RIMBP2: variants seen among roughly 807,000 people sequenced by gnomAD.
RIMBP2 encodes the protein RIMS binding protein 2.
In RIMBP2, 48 loss-of-function variants were observed where a neutral mutation model predicts 118.6. The observed-to-expected ratio is 0.40, with a 90% confidence interval of 0.32 to 0.51. RIMBP2 has a LOEUF of 0.51. Among genes scored for constraint, RIMBP2 ranks in the 20% least tolerant of loss-of-function variants. RIMBP2 has a pLI of 0.41. For missense variants in RIMBP2, 1,551 were observed against 1,768.3 expected (o/e 0.88, Z 2.20); for synonymous variants, 762 against 742.9 (o/e 1.03, Z -0.42).
intron 21 of RIMBP2, among the ~76,000 whole-genome samples, chr12:130,402,791 C>A (rs897098686): frequency 1.3e-5 from 2 of 152,218 alleles, no homozygotes; most frequent in East Asian, 3.9e-4. Context: ...TTTGCACACT[C>A]CTCTGGATTA....
At position 130,470,762 on chromosome 12, in the gene RIMBP2, A is replaced by G; in HGVS notation, c.103-19T>C. 1 of 1,226,212 alleles carries G rather than the reference A, an allele frequency of 8.2e-7. No individual in the cohort carries two copies. The allele number at this position is 1,226,212 out of a possible 1,614,324, so 76.0% of individuals were successfully genotyped here. On this transcript the variant is annotated intron_variant, in intron 5 of 22. Transcript: ENST00000690449. ...CCTGAGCCTTTTTTATGATGAAAAG[A>G]GAGAAAAGAGTAAATGTCCAAAGGG...
At chr12:130,614,970 T>C (rs1220591308) in intron 2 of RIMBP2, among the ~76,000 whole-genome samples, 11 of 149,284 alleles carry the variant, frequency 7.4e-5, no homozygotes, top group Non-Finnish European at 1.5e-5. Context: ...TCTTCAGATG[T>C]GTAGGTATGA....
intron 4 of RIMBP2, among the ~76,000 whole-genome samples, chr12:130,486,274 C>T (rs932488167): frequency 6.6e-6 from 1 of 152,156 alleles, no homozygotes; most frequent in Non-Finnish European, 1.5e-5. Context: ...TCCTCCTGGA[C>T]ATGCCCTGGA....
intron 21 of RIMBP2, among the ~76,000 whole-genome samples, chr12:130,403,129 C>A (rs1020370828): frequency 1.3e-5 from 2 of 152,066 alleles, no homozygotes; most frequent in Admixed American, 6.6e-5. Flanking sequence ...TTCGCTCTCT[C>A]GAGATGTTTA....
At chr12:130,682,636 C>T (rs12425018) in intron 1 of RIMBP2, among the ~76,000 whole-genome samples, 38,257 of 152,208 alleles carry the variant, frequency 0.25, 5,055 homozygotes, top group South Asian at 0.35. Context: ...CAAAACATAT[C>T]AGACACGGAG....
chr12:130,450,587 T>C lies in RIMBP2; in HGVS notation c.505-311A>G, dbSNP rs745365509. On this transcript the variant is annotated intron_variant, in intron 8 of 22. Coordinates refer to ENST00000690449, the MANE Select transcript of RIMBP2 (RefSeq NM_001393629.1). This position sits in a 1 kb window ranked among gnomAD's most constrained non-coding sequence, Gnocchi z 4.8. ...ACAGCAATCCCGGGAGTCAGCGGCGTGGCCTTTTCTCATAGGGGTGGGGGT... is the reference window on the plus strand; with the variant it reads ...ACAGCAATCCCGGGAGTCAGCGGCGCGGCCTTTTCTCATAGGGGTGGGGGT... Among the ~76,000 whole-genome samples the C allele has an allele frequency of 9.9e-5, 15 of 151,878 alleles. No homozygotes were observed. Among genetic ancestry groups the C allele is most frequent in the Non-Finnish European group, 2.1e-4 (14 of 67,980 alleles).
Position 130,424,361 on chromosome 12 carries a change from C to T in RIMBP2, c.2910G>A (p.Val970=), listed in dbSNP as rs984080655. The T allele has an allele frequency of 1.4e-4, 168 of 1,232,490 alleles. 1 individual carries two copies. Among genetic ancestry groups the T allele is most frequent in the Non-Finnish European group, 2.2e-5 (22 of 988,148 alleles). The allele number at this position is 1,232,490 out of a possible 1,614,324, so 76.3% of individuals were successfully genotyped here. A position where few individuals can be genotyped will look rare whatever the true frequency, so the allele number is the denominator to read the frequency against. The part of the protein sequence containing the change: ...RRRTLTRQSS[V]EEDFGEQVGP... Reference sequence around the variant, plus strand: ...CCACCTGCTCCCCAAAGTCCTCCTCCACGCTGCTCTGCCGGGTCAGCGTCC... The same window carrying T: ...CCACCTGCTCCCCAAAGTCCTCCTCTACGCTGCTCTGCCGGGTCAGCGTCC... Residue 970 remains valine, a synonymous_variant, in exon 16 of 23, where the codon GTG becomes GTA. Transcript: ENST00000690449. This position sits in a 1 kb window ranked among gnomAD's most constrained non-coding sequence, Gnocchi z 9.8.
chr12:130,434,906 G>T lies in RIMBP2; in HGVS notation c.2107-26C>A. ...CTTGGAAAGAAAAAGGAGGCACACGGGTGAGGCAGGGCCACCTTCAGCTAC... is the reference window on the plus strand; with the variant it reads ...CTTGGAAAGAAAAAGGAGGCACACGTGTGAGGCAGGGCCACCTTCAGCTAC... On this transcript the variant is annotated intron_variant, in intron 13 of 22. Coordinates refer to ENST00000690449, the MANE Select transcript of RIMBP2 (RefSeq NM_001393629.1). This position sits in a 1 kb window ranked among gnomAD's most constrained non-coding sequence, Gnocchi z 5.7. 1 of 1,586,176 alleles carries T rather than the reference G, an allele frequency of 6.3e-7. No homozygotes were observed. The highest frequency in any genetic ancestry group is 8.6e-7 in the Non-Finnish European group (1 of 1,165,884).
At chr12:130,452,755 G>A (rs537254658) in intron 7 of RIMBP2, among the ~76,000 whole-genome samples, 11 of 152,332 alleles carry the variant, frequency 7.2e-5, no homozygotes, top group South Asian at 2.1e-4. Context: ...CTGGGGGGCC[G>A]CGTGTGACTG....
At chr12:130,455,535 C>T (rs1471273294) in intron 7 of RIMBP2, among the ~76,000 whole-genome samples, 1 of 152,234 alleles carries the variant, frequency 6.6e-6, no homozygotes, top group African/African-American at 2.4e-5. Flanking sequence ...ACTTACCCCA[C>T]CCGGCATTCT....
intron 4 of RIMBP2, among the ~76,000 whole-genome samples, chr12:130,498,960 C>T (rs2049471670): frequency 6.6e-6 from 1 of 152,198 alleles, no homozygotes; most frequent in Non-Finnish European, 1.5e-5. Context: ...AAAGACATAC[C>T]TAAAACTGAG....
intron 2 of RIMBP2, among the ~76,000 whole-genome samples, chr12:130,595,481 C>T (rs962863331): frequency 6.6e-6 from 1 of 152,134 alleles, no homozygotes; most frequent in Non-Finnish European, 1.5e-5. Flanking sequence ...ACCCAGGAGG[C>T]AGAGCTTGCA....
intron 2 of RIMBP2, among the ~76,000 whole-genome samples, chr12:130,600,941 A>G (rs2059838836): frequency 6.6e-6 from 1 of 152,036 alleles, no homozygotes; most frequent in Admixed American, 6.5e-5. Flanking sequence ...ATGCATCACT[A>G]CTTATTGGTT....
intron 2 of RIMBP2, among the ~76,000 whole-genome samples, chr12:130,548,800 C>G (rs1386667756): frequency 1.3e-5 from 2 of 151,808 alleles, no homozygotes; most frequent in Admixed American, 1.3e-4. Context: ...TCTCAAATTC[C>G]TGACCCCATG....
chr12:130,707,571 G>A (rs1330306703), intron 1 of RIMBP2, among the ~76,000 whole-genome samples: 2 of 152,190 alleles, frequency 1.3e-5, no homozygotes, highest in African/African-American at 2.4e-5. Flanking sequence ...GTGGCCATCA[G>A]GAGGCCCTTG....
Position 130,434,725 on chromosome 12 carries a change from C to T in RIMBP2, c.2253+9G>A, listed in dbSNP as rs568161547. ...CAGGAGGATGGTGTGGGGCCCGGCC[C>T]GCTCTCACCTGCTTGCCAAGTTCAG... On this transcript the variant is annotated intron_variant, in intron 14 of 22. Transcript: ENST00000690449. This position sits in a 1 kb window ranked among gnomAD's most constrained non-coding sequence, Gnocchi z 5.7. The T allele has an allele frequency of 2.5e-6, 4 of 1,611,016 alleles. No homozygotes were observed. Among genetic ancestry groups the T allele is most frequent in the South Asian group, 1.1e-5 (1 of 90,950 alleles).
chr12:130,556,908 C>G (rs376730557), intron 2 of RIMBP2, among the ~76,000 whole-genome samples: 1 of 152,138 alleles, frequency 6.6e-6, no homozygotes, highest in Non-Finnish European at 1.5e-5. Context: ...GGTGCAGAGA[C>G]GTCTTGCATC....
In RIMBP2 at chr12:130,647,574, C is replaced by G. The variant is rs1425341887; in HGVS notation, c.-351-19118G>C. 2.1e-5 allele frequency among the ~76,000 whole-genome samples: 3 copies of G among 144,956 alleles called. 1 individual carries two copies. The highest frequency in any genetic ancestry group is 7.4e-5 in the African/African-American group (3 of 40,564). Reference sequence around the variant, plus strand: ...GGAGGACTGAGCTCTGAGCACCAGTCTTTGTTCTAAATTTCTTCCTGAGGG... The same window carrying G: ...GGAGGACTGAGCTCTGAGCACCAGTGTTTGTTCTAAATTTCTTCCTGAGGG... On this transcript the variant is annotated intron_variant, in intron 1 of 22. Transcript: ENST00000690449.
intron 1 of RIMBP2, among the ~76,000 whole-genome samples, chr12:130,678,939 G>A (rs1374302761): frequency 2.0e-5 from 3 of 152,236 alleles, no homozygotes; most frequent in Non-Finnish European, 4.4e-5. Context: ...AGGGGACAGG[G>A]TTTGCTTTGG....
Sources: gnomAD v4.1 joint callset for allele counts (sites outside exome capture counted in the v4.1 genomes callset) on GRCh38, gnomAD v4.1.1 for gene constraint, Gnocchi (gnomAD v3.1) non-coding constraint, MANE v1.5 for transcripts, NCBI Gene and HGNC (gene_info 2026-07-23, HGNC 2026-07-21) for gene names.